The following LRBA variants were observed in gnomAD, a reference collection of about 807,000 sequenced individuals.
LRBA encodes LPS responsive beige-like anchor protein.
Under a neutral mutation model 330.0 loss-of-function variants are expected in LRBA, and 176 were observed. That is an observed-to-expected ratio of 0.53 (90% CI 0.47 to 0.60). LRBA has a LOEUF of 0.60. Among genes scored for constraint, LRBA ranks in the 20% least tolerant of loss-of-function variants. The probability of loss-of-function intolerance (pLI) is 0.00; values close to 1 mark genes in which losing one functional copy is unlikely to be tolerated. For synonymous variants in LRBA, 1,230 were observed against 1,193.0 expected (o/e 1.03, Z -0.64); for missense variants, 3,259 against 3,444.8 (o/e 0.95, Z 1.35).
At chr4:150,768,696 T>C (rs184064826) in intron 34 of LRBA, among the ~76,000 whole-genome samples, 2 of 152,166 alleles carry the variant, frequency 1.3e-5, no homozygotes, top group East Asian at 3.9e-4. Context: ...GTGTTATGCT[T>C]AGGAATGAGC....
intron 42 of LRBA, among the ~76,000 whole-genome samples, chr4:150,481,165 A>G (rs2152081771): frequency 6.6e-6 from 1 of 152,292 alleles, no homozygotes; most frequent in Admixed American, 6.6e-5. Flanking sequence ...CACCAATGAC[A>G]AGATTCCATG....
intron 44 of LRBA, among the ~76,000 whole-genome samples, chr4:150,444,560 G>T (rs868535055): frequency 3.3e-5 from 5 of 152,082 alleles, no homozygotes; most frequent in Non-Finnish European, 7.4e-5. Context: ...AGGCCGAAAT[G>T]GTTTGGCACT....
intron 2 of LRBA, among the ~76,000 whole-genome samples, chr4:151,002,568 A>AG (rs1425506732): frequency 6.7e-6 from 1 of 149,250 alleles, no homozygotes; most frequent in Non-Finnish European, 1.5e-5. Flanking sequence ...TCCATCTCTC[A>AG]GAAAAAAAAA....
rs147940062 is a variant in LRBA at position 150,367,020 on chromosome 4, T to A, written c.7195-16861A>T. ...TAATTTACTTTACTCCCCTACCTCT[T>A]AGTGAATTTTGCATTAGTGAAGTCT... On this transcript the variant is annotated intron_variant, in intron 47 of 56. Coordinates refer to ENST00000651943, the MANE Select transcript of LRBA (RefSeq NM_001364905.1). Among the ~76,000 whole-genome samples the A allele has an allele frequency of 9.8e-5, 15 of 152,290 alleles. No individual in the cohort carries two copies. In the East Asian group the frequency reaches 2.9e-3, roughly 29 times the overall value.
At chr4:150,725,133 C>G (rs1729497911) in intron 36 of LRBA, among the ~76,000 whole-genome samples, 1 of 151,712 alleles carries the variant, frequency 6.6e-6, no homozygotes. Context: ...AGGGGCAAAT[C>G]TAAGAGTTAA....
intron 2 of LRBA, among the ~76,000 whole-genome samples, chr4:150,998,672 A>C (rs1742983606): frequency 2.6e-5 from 4 of 152,164 alleles, no homozygotes; most frequent in Admixed American, 2.6e-4. Flanking sequence ...TCACTTAATT[A>C]CTAAAATTTT....
At chr4:150,880,036 TAAA>T (rs1276045247) in intron 17 of LRBA, among the ~76,000 whole-genome samples, 7 of 152,110 alleles carry the variant, frequency 4.6e-5, no homozygotes, top group Non-Finnish European at 1.0e-4. Flanking sequence ...GGTACTGGTA[TAAA>T]AACAGACACA....
intron 36 of LRBA, among the ~76,000 whole-genome samples, chr4:150,702,422 C>G (rs1041908293): frequency 6.6e-6 from 1 of 152,076 alleles, no homozygotes; most frequent in Non-Finnish European, 1.5e-5. Flanking sequence ...TTTCAATCAT[C>G]GACAAAAGTG....
chr4:150,592,448 A>G (rs549103884), intron 38 of LRBA, among the ~76,000 whole-genome samples: 1 of 151,996 alleles, frequency 6.6e-6, no homozygotes, highest in African/African-American at 2.4e-5. Flanking sequence ...CTACTGAAAC[A>G]TAGGAGTTTT....
intron 29 of LRBA, 42 bp downstream of exon 29, chr4:150,831,771 CATTT>C (rs760019818): frequency 7.0e-7 from 1 of 1,431,930 alleles, no homozygotes; most frequent in South Asian, 1.5e-5. Flanking sequence ...AAGTAAGTAA[CATTT>C]ATTTGAACTT....
chr4:150,784,684 T>A (rs1211945859), intron 34 of LRBA, among the ~76,000 whole-genome samples: 1 of 152,192 alleles, frequency 6.6e-6, no homozygotes, highest in African/African-American at 2.4e-5. Context: ...CCCCGCTCCC[T>A]CTGTCTCTGT....
At chr4:150,474,824 G>A (rs555909408) in intron 42 of LRBA, among the ~76,000 whole-genome samples, 2 of 152,122 alleles carry the variant, frequency 1.3e-5, no homozygotes, top group South Asian at 4.2e-4. Context: ...GTGTAACGCT[G>A]AATAGAAGTG....
intron 36 of LRBA, among the ~76,000 whole-genome samples, chr4:150,689,654 G>T (rs765771487): frequency 5.9e-5 from 9 of 152,192 alleles, no homozygotes; most frequent in Non-Finnish European, 1.2e-4. Flanking sequence ...GGCCGGGCAA[G>T]ATGGCTCACA....
intron 36 of LRBA, among the ~76,000 whole-genome samples, chr4:150,688,703 CTCA>C (rs1783843341): frequency 6.6e-6 from 1 of 152,132 alleles, no homozygotes; most frequent in Non-Finnish European, 1.5e-5. Flanking sequence ...TGAAAAAAAG[CTCA>C]TCATCACTGG....
intron 36 of LRBA, among the ~76,000 whole-genome samples, chr4:150,696,549 T>C (rs1038153628): frequency 2.6e-5 from 4 of 152,248 alleles, no homozygotes; most frequent in Non-Finnish European, 5.9e-5. Context: ...GTAGGCTTAA[T>C]TGTGATGTTA....
At chr4:150,512,080 AATG>A (rs763713886) in intron 40 of LRBA, among the ~76,000 whole-genome samples, 3 of 152,264 alleles carry the variant, frequency 2.0e-5, no homozygotes, top group East Asian at 1.9e-4. Context: ...CCAATGAATT[AATG>A]ATGAGATTAA....
chr4:150,972,823 C>T (rs181594050), intron 2 of LRBA, among the ~76,000 whole-genome samples: 7 of 152,310 alleles, frequency 4.6e-5, no homozygotes, highest in African/African-American at 1.4e-4. Flanking sequence ...AAATTTCATC[C>T]AGTAGCAACA....
chr4:150,370,714 G>A (rs1740150803), intron 47 of LRBA, among the ~76,000 whole-genome samples: 1 of 152,102 alleles, frequency 6.6e-6, no homozygotes, highest in African/African-American at 2.4e-5. Flanking sequence ...AACACAGTAA[G>A]TGTACCACAC....
At chr4:150,589,578 A>G (rs1455938234) in intron 39 of LRBA, among the ~76,000 whole-genome samples, 1 of 152,228 alleles carries the variant, frequency 6.6e-6, no homozygotes, top group East Asian at 1.9e-4. Context: ...ACTCTCAGAC[A>G]TTCAATTACA....
Sources: allele counts gnomAD v4.1 joint callset (sites outside exome capture counted in the v4.1 genomes callset), GRCh38; gene constraint gnomAD v4.1.1; transcripts MANE v1.5; gene names NCBI Gene and HGNC (gene_info 2026-07-23, HGNC 2026-07-21).